Variants in GGA1 observed in about 807,000 individuals in gnomAD.
GGA1 encodes ADP-ribosylation factor-binding protein GGA1.
In GGA1, 18 loss-of-function variants were observed where a neutral mutation model predicts 76.9. That is an observed-to-expected ratio of 0.23 (90% confidence interval 0.16 to 0.35). The LOEUF (loss-of-function observed/expected upper bound fraction) is 0.35. GGA1 is among the 10% of genes least tolerant of loss of function. The pLI is 1.00. For missense variants in GGA1, 755 were observed against 859.0 expected (o/e 0.88, Z 1.51); for synonymous variants, 342 against 354.7 (o/e 0.96, Z 0.40).
rs750860359 is a variant in GGA1, at chr22:37,618,441, T to C, written c.205-7T>C. 7 of 1,424,824 alleles carry C rather than the reference T, an allele frequency of 4.9e-6. No homozygotes were observed. The South Asian group carries it at 8.0e-5, about 16-fold the overall frequency. 88.3% of individuals were successfully genotyped at this position (1,424,824 alleles called of 1,614,324 possible). ...GGCGTCCCCTCCCATCCCCCCTCCC[T>C]GCACAGGTGCTGGAAACATGCATGA... On this transcript the variant is annotated splice_polypyrimidine_tract_variant and splice_region_variant and intron_variant, in intron 3 of 16. Coordinates refer to ENST00000343632, the MANE Select transcript of GGA1 (RefSeq NM_013365.5).
intron 3 of GGA1, chr22:37,617,592 G>A: frequency 2.1e-6 from 2 of 930,950 alleles, no homozygotes; most frequent in Non-Finnish European, 2.6e-6. Context: ...TCAGCACTTG[G>A]GGAGGCCAAG....
rs764570668 is a variant in GGA1 at position 37,623,287 on chromosome 22, G to A, written c.610-40G>A. The A allele has an allele frequency of 3.7e-6, 6 of 1,607,992 alleles. No homozygotes were observed. In the Admixed American group the frequency reaches 5.0e-5, roughly 13 times the overall value. On this transcript the variant is annotated intron_variant, in intron 7 of 16. Transcript: ENST00000343632. This position sits in a 1 kb window ranked among gnomAD's most constrained non-coding sequence, Gnocchi z 4.6. ...TGGCAGGGGGCAGTGCCTCGTCCAGGCCAAAGGTTCTCAGGGGCCCTTGGC... is the reference window on the plus strand; with the variant it reads ...TGGCAGGGGGCAGTGCCTCGTCCAGACCAAAGGTTCTCAGGGGCCCTTGGC...
intron 1 of GGA1, among the ~76,000 whole-genome samples, chr22:37,613,501 C>T (rs1489357885): frequency 6.6e-6 from 1 of 152,118 alleles, no homozygotes; most frequent in Non-Finnish European, 1.5e-5. Flanking sequence ...CCCGGGTTCA[C>T]GCCATTCTCC....
At position 37,623,894 on chromosome 22, in the gene GGA1, C is replaced by CT. The variant is rs1382176125; in HGVS notation, c.832+265dup. On this transcript the variant is annotated intron_variant, in intron 9 of 16. Coordinates refer to ENST00000343632, the MANE Select transcript of GGA1 (RefSeq NM_013365.5). The surrounding 1 kb of genome is among the most constrained non-coding windows in gnomAD (Gnocchi z 4.6). Reference sequence around the variant, plus strand: ...GCTGCACAGGAGGCAGACCCATCCCCTTTTCACAACTGGGGCTAAGGGAGG... The same window carrying CT: ...GCTGCACAGGAGGCAGACCCATCCCCTTTTTCACAACTGGGGCTAAGGGAGG... 5 of 461,506 alleles carry CT rather than the reference C, an allele frequency of 1.1e-5. No homozygotes were observed. Among genetic ancestry groups the CT allele is most frequent in the Non-Finnish European group, 2.0e-5 (5 of 250,364 alleles). The allele number at this position is 461,506 out of a possible 1,614,324, so 28.6% of individuals were successfully genotyped here.
chr22:37,630,877 T>G (rs1179487265), intron 13 of GGA1, 26 bp from the exon 14 acceptor site: 1 of 1,564,728 alleles, frequency 6.4e-7, no homozygotes, highest in South Asian at 1.1e-5. Flanking sequence ...AAGAATCACT[T>G]CTTAATGCAC....
chr22:37,617,310 C>A (rs1173322629), intron 3 of GGA1: 6 of 1,273,186 alleles, frequency 4.7e-6, no homozygotes, highest in Non-Finnish European at 5.9e-6. Context: ...GGAATCAGGG[C>A]TCCACCCAGA....
chr22:37,616,818 G>C, intron 2 of GGA1, 104 bp from the exon 3 acceptor site: 1 of 1,388,372 alleles, frequency 7.2e-7, no homozygotes, highest in South Asian at 1.6e-5. Flanking sequence ...AGGGCGACCA[G>C]GGCCCCTTGG....
intron 11 of GGA1, among the ~76,000 whole-genome samples, chr22:37,629,027 C>T (rs1411857035): frequency 3.3e-5 from 5 of 152,366 alleles, no homozygotes; most frequent in South Asian, 4.1e-4. Context: ...GCTCAGCCAG[C>T]ACAGTGCCTA....
At chr22:37,629,613 TGGATGGGCTCTACTCA>T in intron 12 of GGA1, 87 bp downstream of exon 12, 1 of 830,200 alleles carries the variant, frequency 1.2e-6, no homozygotes. Flanking sequence ...ACTAAAAGGA[TGGATGGGCTCTACTCA>T]AGAGCCCAGG....
chr22:37,623,623 T>A lies in GGA1; in HGVS notation c.822T>A (p.Asp274Glu). Reference protein sequence around the residue: ...FRLASDTEDNDEALAEILQAN... With the variant: ...FRLASDTEDNEEALAEILQAN... ...TGGCGAGTGACACAGAGGACAATGA[T>A]GAGGCCTTAGGTGAGCCCAGGGCAG... The change falls in exon 9 of 17, where the codon GAT becomes GAA. Residue 274 changes from aspartate to glutamate, a missense_variant. Asp to Glu is a conservative substitution (Grantham distance 45). Transcript: ENST00000343632. The surrounding 1 kb of genome is among the most constrained non-coding windows in gnomAD (Gnocchi z 4.6). 1.3e-6 allele frequency: 2 copies of A among 1,582,418 alleles called. No individual in the cohort carries two copies. Among genetic ancestry groups the A allele is most frequent in the Non-Finnish European group, 1.7e-6 (2 of 1,163,826 alleles).
rs1328219696 is a variant in GGA1 at position 37,621,692 on chromosome 22, A to G, written c.605A>G (p.Gln202Arg). 1 of 1,554,134 alleles carries G rather than the reference A, an allele frequency of 6.4e-7. No homozygotes were observed. The change falls in exon 7 of 17, where the codon CAG (glutamine) becomes CGG (arginine). Residue 202 changes from glutamine to arginine, a missense_variant. Transcript: ENST00000343632. Reference protein sequence around the residue: ...AANKLIKEMVQEDQKRMEKIS... With the variant: ...AANKLIKEMVREDQKRMEKIS... The stretch of plus-strand genomic sequence containing the variant: ...AATAAGCTCATCAAAGAGATGGTGC[A>G]GGAGGTAGCGGCCGAGCCCAGAGCA...
chr22:37,631,803 C>A (rs1035744651), intron 14 of GGA1, among the ~76,000 whole-genome samples, 193 bp from the exon 15 acceptor site: 1 of 152,200 alleles, frequency 6.6e-6, no homozygotes, highest in African/African-American at 2.4e-5. Context: ...TGGGGGTTCA[C>A]CTGCCCTCTC....
intron 3 of GGA1, chr22:37,617,951 A>T (rs1235985160): frequency 1.3e-5 from 2 of 156,554 alleles, no homozygotes; most frequent in Non-Finnish European, 2.8e-5. Context: ...GAGAAGCCCC[A>T]TGTCTACTAA....
In GGA1 at chr22:37,620,337, G is replaced by T. The variant is rs1486501594; in HGVS notation, c.403G>T (p.Ala135Ser). 6.2e-7 allele frequency: 1 copy of T among 1,613,952 alleles called. No individual in the cohort carries two copies. The highest frequency in any genetic ancestry group is 2.2e-5 in the East Asian group (1 of 44,888). ...GLPEEVKIAE[A>S]YQMLKKQGIV... ...GCCCGAGGAGGTGAAAATCGCAGAG[G>T]CCTACCAGATGCTAAAGAAGCAGGG... Residue 135 changes from alanine (A) to serine (S), a missense_variant, in exon 5 of 17, where the codon GCC becomes TCC. By Grantham distance (99) the Ala-to-Ser change is moderately conservative (BLOSUM62 1). Coordinates refer to ENST00000343632, the MANE Select transcript of GGA1 (RefSeq NM_013365.5).
Position 37,630,160 on chromosome 22 carries a change from C to T in GGA1, c.1321C>T (p.Gln441Ter), listed in dbSNP as rs1215082330. The T allele has an allele frequency of 6.3e-6, 10 of 1,585,808 alleles. No homozygotes were observed. Among genetic ancestry groups the T allele is most frequent in the Non-Finnish European group, 8.6e-6 (10 of 1,167,476 alleles). Residue 441 changes from glutamine (Q) to a stop codon, truncating the protein, a stop_gained, in exon 13 of 17, where the codon CAA becomes TAA. Coordinates refer to ENST00000343632, the MANE Select transcript of GGA1 (RefSeq NM_013365.5). LOFTEE classifies it high-confidence loss of function. ...GCAGTCGCTGCCCCCGGAATCCCAGCAAGTGCGGTGGTGAGGGCCCACCAT... is the reference window on the plus strand; with the variant it reads ...GCAGTCGCTGCCCCCGGAATCCCAGTAAGTGCGGTGGTGAGGGCCCACCAT... Reference protein sequence around the residue: ...LQQSLPPESQQVRWEKQQPTP... With the variant: ...LQQSLPPESQ
At chr22:37,614,494 T>A (rs1024354676) in intron 2 of GGA1, among the ~76,000 whole-genome samples, 1 of 152,202 alleles carries the variant, frequency 6.6e-6, no homozygotes, top group Non-Finnish European at 1.5e-5. Context: ...CTCAGAGGAC[T>A]CAGATCTGCC....
chr22:37,620,207 T>C, intron 4 of GGA1, 31 bp from the exon 5 acceptor site: 2 of 1,612,254 alleles, frequency 1.2e-6, no homozygotes, highest in Non-Finnish European at 1.7e-6. Context: ...GGCTGGGCAG[T>C]ATCAAAGGCC....
chr22:37,621,528 C>A, intron 6 of GGA1, 88 bp from the exon 7 acceptor site: 1 of 778,738 alleles, frequency 1.3e-6, no homozygotes, highest in Non-Finnish European at 2.2e-6. Context: ...GTCCCACAGG[C>A]AGGAAGCGGG....
At chr22:37,611,818 CG>C (rs1403006985) in intron 1 of GGA1, among the ~76,000 whole-genome samples, 9 of 152,190 alleles carry the variant, frequency 5.9e-5, no homozygotes, top group Admixed American at 5.2e-4. Flanking sequence ...CTCTGGCTGC[CG>C]CCATGGCCTT....
Sources: allele counts gnomAD v4.1 joint callset (sites outside exome capture counted in the v4.1 genomes callset), GRCh38; gene constraint gnomAD v4.1.1; non-coding constraint Gnocchi (gnomAD v3.1); transcripts MANE v1.5; gene names NCBI Gene and HGNC (gene_info 2026-07-23, HGNC 2026-07-21).